The following ATG4A variants were observed in gnomAD, a reference collection of about 807,000 sequenced individuals.
The protein encoded by ATG4A is cysteine protease ATG4A.
Under a neutral mutation model 38.4 loss-of-function variants are expected in ATG4A, and 22 were observed. The observed-to-expected ratio is 0.57, with a 90% CI of 0.41 to 0.82. The LOEUF is 0.82. Ranked by LOEUF, ATG4A falls within the 40% of genes least tolerant of loss-of-function variation. The probability of loss-of-function intolerance (pLI) is 0.00; values close to 1 mark genes in which losing one functional copy is unlikely to be tolerated. For synonymous variants in ATG4A, 86 were observed against 100.7 expected, an observed-to-expected ratio of 0.85 and a Z score of 0.88; for missense variants, 220 against 290.0, an observed-to-expected ratio of 0.76 and a Z score of 1.75.
At chrX:108,117,263 A>G (rs1490320225) in intron 1 of ATG4A, among the ~76,000 whole-genome samples, 1 of 111,487 alleles carries the variant, frequency 9.0e-6, no homozygotes, top group East Asian at 2.8e-4. Flanking sequence ...TAGAGAGATG[A>G]ACATTACATG....
At chrX:108,135,114 A>C (rs1294838417) in intron 6 of ATG4A, among the ~76,000 whole-genome samples, 1 of 112,120 alleles carries the variant, frequency 8.9e-6, no homozygotes, top group East Asian at 2.8e-4. Flanking sequence ...TAGTACTTAC[A>C]CCTGCAGACC....
At chrX:108,129,410 A>C (rs1321024255) in intron 3 of ATG4A, among the ~76,000 whole-genome samples, 2 of 111,296 alleles carry the variant, frequency 1.8e-5, no homozygotes, top group Non-Finnish European at 3.8e-5. Flanking sequence ...AAGGATATAC[A>C]ACACATTTGC....
At chrX:108,115,118 C>CGTGTGTGT (rs748772447) in intron 1 of ATG4A, among the ~76,000 whole-genome samples, 3 of 90,175 alleles carry the variant, frequency 3.3e-5, no homozygotes, top group African/African-American at 1.2e-4. Context: ...TGCATGTATG[C>CGTGTGTGT]GTGTGTGTGT....
chrX:108,152,941 A>C, intron 11 of ATG4A, 38 bp from the exon 12 acceptor site: 1 of 1,025,061 alleles, frequency 9.8e-7, no homozygotes, highest in Non-Finnish European at 1.4e-6. Flanking sequence ...AAATGTTGTG[A>C]CTCTGAAGTA....
chrX:108,129,696 G>C lies in ATG4A; in HGVS notation c.193+844G>C, dbSNP rs750723313. On this transcript the variant is annotated intron_variant, in intron 3 of 12. Transcript: ENST00000372232. ...CGCCATTCTCCTGCCTCAGCCTCCC[G>C]AGTAGCTGGGACTACAGGCGCCCGC... 1.8e-4 allele frequency among the ~76,000 whole-genome samples: 19 copies of C among 106,078 alleles called. No homozygotes were observed. The East Asian group carries it at 4.5e-3, about 25-fold the overall frequency. The allele number at this position is 106,078 out of a possible 115,157, so 92.1% of individuals were successfully genotyped here. A position where few individuals can be genotyped will look rare whatever the true frequency, so the allele number is the denominator to read the frequency against.
chrX:108,144,279 A>C (rs1195075620), intron 9 of ATG4A, among the ~76,000 whole-genome samples: 2 of 112,881 alleles, frequency 1.8e-5, no homozygotes, highest in African/African-American at 6.4e-5. Flanking sequence ...GAAGCATTGC[A>C]TACAGGATAG....
chrX:108,096,088 A>T (rs1481511112), intron 1 of ATG4A, among the ~76,000 whole-genome samples: 1 of 112,425 alleles, frequency 8.9e-6, no homozygotes. Flanking sequence ...ATAAAGTGGT[A>T]TTTAATTGTG....
chrX:108,122,408 C>T (rs2032678018), intron 1 of ATG4A, among the ~76,000 whole-genome samples: 3 of 111,685 alleles, frequency 2.7e-5, no homozygotes, highest in African/African-American at 9.8e-5. Context: ...TTGCAGCAAT[C>T]CAGGGAACAT....
At chrX:108,138,241 T>TG (rs2033155111) in intron 9 of ATG4A, 50 bp downstream of exon 9, 1 of 1,103,143 alleles carries the variant, frequency 9.1e-7, no homozygotes, top group African/African-American at 1.8e-5. Flanking sequence ...GGGGAGGGCG[T>TG]GGGGACAAGG....
rs1403484472 is a variant in ATG4A, at chrX:108,154,418, C to A, written c.*706C>A. 1 of 112,167 alleles carries A rather than the reference C, an allele frequency of 8.9e-6. No homozygotes were observed. Among genetic ancestry groups the A allele is most frequent in the African/African-American group, 3.2e-5 (1 of 30,794 alleles). 9.2% of individuals were successfully genotyped at this position (112,167 alleles called of 1,213,427 possible). On this transcript the variant is annotated 3_prime_UTR_variant, in exon 13 of 13. Transcript: ENST00000372232. ...TCAGCAAACTTTTTCTGTAAAGGGC[C>A]AGACGGGAAATATTTTGGGCTTTGC...
chrX:108,089,430 T>C (rs1446449658), upstream of ATG4A, among the ~76,000 whole-genome samples: 1 of 112,269 alleles, frequency 8.9e-6, no homozygotes, highest in Non-Finnish European at 1.9e-5. Flanking sequence ...GGGGAAGAAA[T>C]GTTCATTAAA....
At chrX:108,150,411 A>T in intron 10 of ATG4A, 114 bp downstream of exon 10, 1 of 991,615 alleles carries the variant, frequency 1.0e-6, no homozygotes, top group South Asian at 2.2e-5. Context: ...CACTATCCCC[A>T]TTAGAGGCAG....
In ATG4A at chrX:108,115,788, TA is replaced by T. The variant is rs758782630; in HGVS notation, c.11-10281del. Among the ~76,000 whole-genome samples the T allele has an allele frequency of 1.6e-4, 18 of 111,948 alleles. No individual in the cohort carries two copies. In the South Asian group the frequency reaches 3.4e-3, roughly 21 times the overall value. On this transcript the variant is annotated intron_variant, in intron 1 of 12. Coordinates refer to ENST00000372232, the MANE Select transcript of ATG4A (RefSeq NM_052936.5). ...AGTAGACTCACTAGAGTAGGTATGA[TA>T]AAAAAAAGTTTTAACTTAGAAAAGT...
intron 1 of ATG4A, among the ~76,000 whole-genome samples, chrX:108,102,174 G>A (rs902233814): frequency 3.6e-5 from 4 of 110,851 alleles, no homozygotes; most frequent in East Asian, 2.8e-4. Flanking sequence ...CATTCTACAC[G>A]CACACCAGCA....
chrX:108,118,603 C>T lies in ATG4A; in HGVS notation c.11-7474C>T, dbSNP rs753809992. ...TGGACTCCACTGGCTGGCTTTATAC[C>T]TTCCAGAATCTAGTCCCATGCCACC... On this transcript the variant is annotated intron_variant, in intron 1 of 12. Coordinates refer to ENST00000372232, the MANE Select transcript of ATG4A (RefSeq NM_052936.5). Among the ~76,000 whole-genome samples the T allele has an allele frequency of 4.5e-5, 5 of 111,506 alleles. No homozygotes were observed. In the South Asian group the frequency reaches 1.9e-3, roughly 43 times the overall value.
upstream of ATG4A, chrX:108,091,701 A>T: frequency 1.0e-6 from 1 of 998,814 alleles, no homozygotes; most frequent in Non-Finnish European, 1.4e-6. Context: ...CCGGGCAGGG[A>T]GGCGCCTTTG....
intron 1 of ATG4A, among the ~76,000 whole-genome samples, chrX:108,122,431 A>C (rs2032679323): frequency 9.0e-6 from 1 of 111,720 alleles, no homozygotes; most frequent in African/African-American, 3.3e-5. Context: ...ACTCAAGAAA[A>C]ATGGCTGCAT....
chrX:108,109,269 G>C lies in ATG4A; in HGVS notation c.11-16808G>C, dbSNP rs149225253. 5.7e-3 allele frequency among the ~76,000 whole-genome samples: 636 copies of C among 112,028 alleles called. 6 individuals carry two copies. The highest frequency in any genetic ancestry group is 0.019 in the African/African-American group (599 of 30,916). ...GTTGATGTTGAGCATCTTTTTATAT[G>C]CTTTTTGGCCATTTGTATATCATCT... On this transcript the variant is annotated intron_variant, in intron 1 of 12. Transcript: ENST00000372232.
chrX:108,142,778 G>T (rs914263181), intron 9 of ATG4A, among the ~76,000 whole-genome samples: 1 of 111,146 alleles, frequency 9.0e-6, no homozygotes, highest in Admixed American at 9.6e-5. Context: ...ACCTGATTAA[G>T]AGTGGGTCTG....
Sources: allele counts gnomAD v4.1 joint callset (sites outside exome capture counted in the v4.1 genomes callset), GRCh38; gene constraint gnomAD v4.1.1; transcripts MANE v1.5; gene names NCBI Gene and HGNC (gene_info 2026-07-23, HGNC 2026-07-21).